The following DIS3L2 variants were observed in gnomAD, a reference collection of about 807,000 sequenced individuals.
DIS3L2 encodes the protein DIS3 like 3'-5' exoribonuclease 2.
A neutral mutation model predicts 97.5 loss-of-function variants in DIS3L2; 34 were observed. The observed-to-expected ratio is 0.35, with a 90% CI of 0.27 to 0.46. The LOEUF (loss-of-function observed/expected upper bound fraction) is 0.46. Ranked by LOEUF, DIS3L2 falls within the 20% of genes least tolerant of loss-of-function variation. DIS3L2 has a pLI of 1.00. For missense variants in DIS3L2, 1,038 were observed against 1,146.0 expected (o/e 0.91, Z 1.36); for synonymous variants, 435 against 445.2 (o/e 0.98, Z 0.29).
At chr2:232,021,184 G>A (rs987209956) in intron 3 of DIS3L2, among the ~76,000 whole-genome samples, 1 of 152,142 alleles carries the variant, frequency 6.6e-6, no homozygotes, top group Non-Finnish European at 1.5e-5. Flanking sequence ...TGAGAGTAGA[G>A]AATCAAGGGT....
At chr2:232,166,894 G>A (rs1690839896) in intron 9 of DIS3L2, among the ~76,000 whole-genome samples, 1 of 151,900 alleles carries the variant, frequency 6.6e-6, no homozygotes, top group Non-Finnish European at 1.5e-5. Flanking sequence ...GGTGGCAGGT[G>A]CCTATAATCC....
rs562523755 is a variant in DIS3L2, at chr2:232,323,337, C to T, written c.1740-6476C>T. On this transcript the variant is annotated intron_variant, in intron 14 of 20. Transcript: ENST00000325385. ...ACAAGGGCCTTCTGCACTGTCAGCC[C>T]GGCCCCAGCTCCCAGCAAGTCTCCT... Among the ~76,000 whole-genome samples the T allele has an allele frequency of 5.3e-5, 8 of 152,326 alleles. No homozygotes were observed. In the South Asian group the frequency reaches 8.3e-4, roughly 16 times the overall value.
At chr2:232,106,033 T>C (rs529676665) in intron 6 of DIS3L2, among the ~76,000 whole-genome samples, 1 of 152,334 alleles carries the variant, frequency 6.6e-6, no homozygotes, top group East Asian at 1.9e-4. Flanking sequence ...GGTATCATTT[T>C]TTCCTTACTT....
At chr2:232,322,673 C>T (rs142908564) in intron 14 of DIS3L2, among the ~76,000 whole-genome samples, 5 of 152,358 alleles carry the variant, frequency 3.3e-5, no homozygotes, top group African/African-American at 1.2e-4. Flanking sequence ...AGCAGCAAAG[C>T]TGCTCAAGGT....
chr2:231,995,552 A>G (rs1693710428), intron 1 of DIS3L2, among the ~76,000 whole-genome samples: 1 of 152,004 alleles, frequency 6.6e-6, no homozygotes, highest in Non-Finnish European at 1.5e-5. Context: ...ACCTTTCTAC[A>G]TTTTGTATCA....
intron 9 of DIS3L2, among the ~76,000 whole-genome samples, chr2:232,200,562 G>A (rs190863315): frequency 8.5e-5 from 13 of 152,070 alleles, no homozygotes; most frequent in Non-Finnish European, 1.5e-4. Context: ...GGTAGTCGTG[G>A]TAATGGATTA....
chr2:232,304,045 A>T (rs1575005997), intron 14 of DIS3L2, among the ~76,000 whole-genome samples: 1 of 152,044 alleles, frequency 6.6e-6, no homozygotes, highest in South Asian at 2.1e-4. Context: ...CAACTAGTAA[A>T]GCTCTCCACC....
At chr2:232,083,381 T>G (rs1226284306) in intron 5 of DIS3L2, among the ~76,000 whole-genome samples, 1 of 151,262 alleles carries the variant, frequency 6.6e-6, no homozygotes, top group East Asian at 2.0e-4. Context: ...TTCTGGTACC[T>G]ATGATATTTC....
chr2:232,106,763 A>C (rs1003063720), intron 6 of DIS3L2, among the ~76,000 whole-genome samples: 15 of 152,236 alleles, frequency 9.9e-5, no homozygotes, highest in African/African-American at 3.4e-4. Flanking sequence ...TGATAGATAG[A>C]TATCTGCAGA....
intron 5 of DIS3L2, among the ~76,000 whole-genome samples, chr2:232,084,321 G>A (rs1212654707): frequency 6.6e-6 from 1 of 151,988 alleles, no homozygotes; most frequent in Admixed American, 6.6e-5. Flanking sequence ...GGGACCAGAA[G>A]TGTTTTTTTT....
intron 6 of DIS3L2, among the ~76,000 whole-genome samples, chr2:232,089,924 T>A (rs1696786962): frequency 6.6e-6 from 1 of 152,098 alleles, no homozygotes; most frequent in Admixed American, 6.5e-5. Flanking sequence ...CCCTCTATTA[T>A]AATTCTTCCC....
chr2:232,257,207 T>C (rs1310423867), intron 12 of DIS3L2, among the ~76,000 whole-genome samples: 1 of 152,208 alleles, frequency 6.6e-6, no homozygotes, highest in Non-Finnish European at 1.5e-5. Context: ...TGCTTAGTGA[T>C]GATGGCCCTA....
chr2:231,995,307 A>C (rs1026410661), intron 1 of DIS3L2, among the ~76,000 whole-genome samples: 3 of 152,150 alleles, frequency 2.0e-5, no homozygotes, highest in African/African-American at 7.2e-5. Context: ...GGGTGCCACC[A>C]ATCTAGGATC....
intron 6 of DIS3L2, among the ~76,000 whole-genome samples, chr2:232,094,188 T>C (rs1401285515): frequency 2.0e-5 from 3 of 152,212 alleles, no homozygotes; most frequent in Non-Finnish European, 4.4e-5. Context: ...AGATACTTTA[T>C]ACTATTTCAG....
rs556770865 is a variant in DIS3L2 at position 232,310,523 on chromosome 2, C to G, written c.1739+10404C>G. Among the ~76,000 whole-genome samples, 287 of 152,374 alleles carry G rather than the reference C, an allele frequency of 1.9e-3. 1 individual carries two copies. Among genetic ancestry groups the G allele is most frequent in the Non-Finnish European group, 3.2e-3 (218 of 68,044 alleles). On this transcript the variant is annotated intron_variant, in intron 14 of 20. Coordinates refer to ENST00000325385, the MANE Select transcript of DIS3L2 (RefSeq NM_152383.5). ...GCCGTGGCTCTCTATGCTCTGCTCT[C>G]TTCTCACCTCACTCCGTGCAGCAGC...
intron 10 of DIS3L2, among the ~76,000 whole-genome samples, chr2:232,214,863 C>T (rs866729022): frequency 6.6e-6 from 1 of 152,210 alleles, no homozygotes; most frequent in East Asian, 1.9e-4. Flanking sequence ...GGAAATTGAA[C>T]TTCACTTCTC....
At chr2:232,099,220 A>ATTTTTTTTTTTT (rs572085302) in intron 6 of DIS3L2, among the ~76,000 whole-genome samples, 1 of 143,178 alleles carries the variant, frequency 7.0e-6, no homozygotes. Flanking sequence ...TATTTTTTGT[A>ATTTTTTTTTTTT]TTTTTTTTTT....
intron 8 of DIS3L2, among the ~76,000 whole-genome samples, chr2:232,138,094 T>C (rs1273240336): frequency 6.6e-6 from 1 of 152,238 alleles, no homozygotes; most frequent in Non-Finnish European, 1.5e-5. Flanking sequence ...TTGATTGGAC[T>C]ACTTCCTTAG....
At chr2:232,232,937 A>G (rs1692834438) in intron 10 of DIS3L2, among the ~76,000 whole-genome samples, 1 of 152,196 alleles carries the variant, frequency 6.6e-6, no homozygotes, top group Admixed American at 6.5e-5. Context: ...AAACTTGAAG[A>G]GGAGCAGACA....
Sources: gnomAD v4.1 joint callset for allele counts (sites outside exome capture counted in the v4.1 genomes callset) on GRCh38, gnomAD v4.1.1 for gene constraint, MANE v1.5 for transcripts, NCBI Gene and HGNC (gene_info 2026-07-23, HGNC 2026-07-21) for gene names.